Variants in FARSB observed in about 807,000 individuals in gnomAD.
FARSB encodes the protein phenylalanine--tRNA ligase beta subunit.
In FARSB, 40 loss-of-function variants were observed where a neutral mutation model predicts 69.6. That is an observed-to-expected ratio of 0.57 (90% CI 0.45 to 0.75). The LOEUF (loss-of-function observed/expected upper bound fraction) is 0.75. Among genes scored for constraint, FARSB ranks in the 30% least tolerant of loss-of-function variants. The pLI is 0.00. For synonymous variants in FARSB, 235 were observed against 247.2 expected (o/e 0.95, Z 0.46); for missense variants, 632 against 722.9 (o/e 0.87, Z 1.44).
rs1326773794 is a variant in FARSB at position 222,619,737 on chromosome 2, A to T, written c.1252T>A (p.Cys418Ser). The change falls in exon 14 of 17, where the codon TGC becomes AGC. Residue 418 changes from cysteine (C) to serine (S), a missense_variant and splice_region_variant. Physicochemically the swap from Cys to Ser is moderately radical, Grantham distance 112 (BLOSUM62 -1). Coordinates refer to ENST00000281828, the MANE Select transcript of FARSB (RefSeq NM_005687.5). Reference protein sequence around the residue: ...GFTEALTFALCSQEDIADKLG... With the variant: ...GFTEALTFALSSQEDIADKLG... ...TTATCAGCAATATCTTCTTGGGAGCACTGTGAAGTACACACAAAACAGATT... is the reference window on the plus strand; with the variant it reads ...TTATCAGCAATATCTTCTTGGGAGCTCTGTGAAGTACACACAAAACAGATT... 3 of 1,530,950 alleles carry T rather than the reference A, an allele frequency of 2.0e-6. No homozygotes were observed. The highest frequency in any genetic ancestry group is 4.5e-5 in the East Asian group (2 of 44,434). 94.8% of individuals were successfully genotyped at this position (1,530,950 alleles called of 1,614,324 possible). A position where few individuals can be genotyped will look rare whatever the true frequency, so the allele number is the denominator to read the frequency against.
At chr2:222,587,051 T>G (rs1690134017) in intron 16 of FARSB, among the ~76,000 whole-genome samples, 1 of 152,188 alleles carries the variant, frequency 6.6e-6, no homozygotes, top group Non-Finnish European at 1.5e-5. Context: ...CAACAGAATA[T>G]ACATTCTTCT....
intron 1 of FARSB, among the ~76,000 whole-genome samples, chr2:222,650,217 G>T (rs997306797): frequency 6.6e-6 from 1 of 152,172 alleles, no homozygotes; most frequent in Non-Finnish European, 1.5e-5. Flanking sequence ...GAAACATAAA[G>T]TTCATATCAG....
At chr2:222,616,427 G>A (rs1282873885) in intron 14 of FARSB, among the ~76,000 whole-genome samples, 1 of 151,466 alleles carries the variant, frequency 6.6e-6, no homozygotes, top group Admixed American at 6.6e-5. Flanking sequence ...CGTGCCTGTA[G>A]TCCCAGCTAC....
Position 222,628,873 on chromosome 2 carries a change from T to G in FARSB, c.864A>C (p.Glu288Asp). 1 of 1,610,276 alleles carries G rather than the reference T, an allele frequency of 6.2e-7. No individual in the cohort carries two copies. The highest frequency in any genetic ancestry group is 8.5e-7 in the Non-Finnish European group (1 of 1,177,746). The change falls in exon 10 of 17, where the codon GAA becomes GAC. Residue 288 changes from glutamate to aspartate, a missense_variant. Glu to Asp is a conservative substitution (Grantham distance 45). Coordinates refer to ENST00000281828, the MANE Select transcript of FARSB (RefSeq NM_005687.5). ...GTGATTTTCCATTAGGAAAAACCAC[T>G]TCAGCAGCTTCGACCCTGAAAACAA... ...CENQFTVEAA[E>D]VVFPNGKSHT...
chr2:222,654,600 C>T (rs1259955052), intron 1 of FARSB, among the ~76,000 whole-genome samples: 1 of 152,060 alleles, frequency 6.6e-6, no homozygotes, highest in Admixed American at 6.6e-5. Flanking sequence ...TAAAATAAAG[C>T]GATTAGGCGA....
chr2:222,596,275 G>T (rs72966148), intron 16 of FARSB, among the ~76,000 whole-genome samples: 2 of 152,178 alleles, frequency 1.3e-5, no homozygotes, highest in Non-Finnish European at 2.9e-5. Context: ...AACTCCATAG[G>T]TTAATGCGAA....
At chr2:222,593,726 C>T (rs1307096735) in intron 16 of FARSB, among the ~76,000 whole-genome samples, 3 of 151,626 alleles carry the variant, frequency 2.0e-5, no homozygotes, top group Non-Finnish European at 4.4e-5. Flanking sequence ...CAAAAATTAG[C>T]CAGGCATGGT....
At chr2:222,584,399 C>G (rs1690051814) in intron 16 of FARSB, among the ~76,000 whole-genome samples, 1 of 152,124 alleles carries the variant, frequency 6.6e-6, no homozygotes, top group African/African-American at 2.4e-5. Flanking sequence ...CGAATAGGAA[C>G]AGCTCCAGTC....
intron 9 of FARSB, among the ~76,000 whole-genome samples, chr2:222,629,378 G>C (rs531500789): frequency 6.6e-6 from 1 of 152,258 alleles, no homozygotes; most frequent in African/African-American, 2.4e-5. Flanking sequence ...GTGTTAAATA[G>C]TTTTTTAAAC....
intron 1 of FARSB, among the ~76,000 whole-genome samples, chr2:222,651,815 A>T (rs540412194): frequency 6.6e-6 from 1 of 152,346 alleles, no homozygotes; most frequent in East Asian, 1.9e-4. Context: ...AACTCTCAAA[A>T]TTCTATTAGC....
chr2:222,612,258 AT>A (rs1296610139), intron 15 of FARSB, among the ~76,000 whole-genome samples: 6 of 152,246 alleles, frequency 3.9e-5, no homozygotes, highest in African/African-American at 1.4e-4. Context: ...ACATAGTGAT[AT>A]TAAACACGAA....
At chr2:222,642,375 TAG>T (rs1336682674) in intron 3 of FARSB, among the ~76,000 whole-genome samples, 1 of 152,214 alleles carries the variant, frequency 6.6e-6, no homozygotes, top group East Asian at 1.9e-4. Flanking sequence ...AAATTGAAAC[TAG>T]AGAGGCCAAC....
intron 15 of FARSB, among the ~76,000 whole-genome samples, chr2:222,608,151 C>A (rs1282512176): frequency 6.6e-6 from 1 of 152,102 alleles, no homozygotes; most frequent in Admixed American, 6.6e-5. Context: ...GCTCCTTACA[C>A]CCATATTTTT....
chr2:222,612,514 A>C (rs1366895235), intron 15 of FARSB, among the ~76,000 whole-genome samples: 1 of 152,242 alleles, frequency 6.6e-6, no homozygotes, highest in Non-Finnish European at 1.5e-5. Flanking sequence ...AGTTGTGACT[A>C]CTTTGGAAAG....
intron 16 of FARSB, among the ~76,000 whole-genome samples, chr2:222,592,058 G>A (rs542630549): frequency 2.0e-5 from 3 of 152,208 alleles, no homozygotes; most frequent in South Asian, 2.1e-4. Context: ...AAGGGGTTCC[G>A]GCAAGTAGGA....
chr2:222,590,845 CTTA>C (rs1690250544), intron 16 of FARSB, among the ~76,000 whole-genome samples: 1 of 152,022 alleles, frequency 6.6e-6, no homozygotes, highest in African/African-American at 2.4e-5. Flanking sequence ...GACATCGGGA[CTTA>C]TTATGCTAGT....
chr2:222,588,901 G>C (rs377622830), intron 16 of FARSB, among the ~76,000 whole-genome samples: 20 of 152,274 alleles, frequency 1.3e-4, no homozygotes, highest in Admixed American at 3.3e-4. Flanking sequence ...CTCATGGATA[G>C]GAAGAATCAA....
chr2:222,582,254 A>G (rs1455975682), intron 16 of FARSB, among the ~76,000 whole-genome samples: 1 of 152,226 alleles, frequency 6.6e-6, no homozygotes, highest in African/African-American at 2.4e-5. Context: ...GAAAGGAGGA[A>G]GATCTCTATA....
At position 222,624,382 on chromosome 2, in the gene FARSB, T is replaced by C; in HGVS notation, c.1060A>G (p.Thr354Ala). Residue 354 changes from threonine to alanine, a missense_variant, in exon 12 of 17, where the codon ACC becomes GCC. By Grantham distance (58) the Thr-to-Ala change is moderately conservative. Transcript: ENST00000281828. ...GNQIEIEIPP[T>A]RADIIHACDI... ...CATGCATGGATAATGTCAGCTCTGG[T>C]TGGAGGGATTTCAATCTCAATCTGA... 6.2e-7 allele frequency: 1 copy of C among 1,608,376 alleles called. No individual in the cohort carries two copies. Among genetic ancestry groups the C allele is most frequent in the Non-Finnish European group, 8.5e-7 (1 of 1,174,856 alleles).
Sources: gnomAD v4.1 joint callset for allele counts (sites outside exome capture counted in the v4.1 genomes callset) on GRCh38, gnomAD v4.1.1 for gene constraint, MANE v1.5 for transcripts, NCBI Gene and HGNC (gene_info 2026-07-23, HGNC 2026-07-21) for gene names.